PRLR: variants seen among roughly 807,000 people sequenced by gnomAD.
PRLR encodes the protein hPRL receptor.
A neutral mutation model predicts 40.2 loss-of-function variants in PRLR; 13 were observed. That is an observed-to-expected ratio of 0.32 (90% CI 0.21 to 0.51). PRLR has a LOEUF of 0.51. PRLR is among the 20% of genes least tolerant of loss of function. The probability of loss-of-function intolerance (pLI) is 0.97; values close to 1 mark genes in which losing one functional copy is unlikely to be tolerated. For synonymous variants in PRLR, 269 were observed against 278.7 expected (o/e 0.97, Z 0.35); for missense variants, 656 against 747.3 (o/e 0.88, Z 1.42).
chr5:35,205,027 CA>C (rs1019218149), intron 1 of PRLR, among the ~76,000 whole-genome samples: 172 of 152,158 alleles, frequency 1.1e-3, no homozygotes, highest in African/African-American at 3.7e-3. Flanking sequence ...TAAAGGCTGC[CA>C]GAGAGTTCAT....
intron 1 of PRLR, among the ~76,000 whole-genome samples, chr5:35,128,662 C>T (rs1299580791): frequency 6.6e-6 from 1 of 151,918 alleles, no homozygotes; most frequent in Non-Finnish European, 1.5e-5. Context: ...AAAATACAAG[C>T]CTATTATTTC....
At chr5:35,223,610 C>T (rs1353706765) in intron 1 of PRLR, among the ~76,000 whole-genome samples, 1 of 152,218 alleles carries the variant, frequency 6.6e-6, no homozygotes, top group Non-Finnish European at 1.5e-5. Flanking sequence ...GGCTTCCAGC[C>T]CTCAATGCCC....
At chr5:35,103,430 C>A (rs143833555) in intron 2 of PRLR, among the ~76,000 whole-genome samples, 1 of 152,196 alleles carries the variant, frequency 6.6e-6, no homozygotes, top group Non-Finnish European at 1.5e-5. Flanking sequence ...AATGTCTGCA[C>A]ATTTGGCCAC....
At chr5:35,222,455 G>A (rs1203898052) in intron 1 of PRLR, among the ~76,000 whole-genome samples, 1 of 152,182 alleles carries the variant, frequency 6.6e-6, no homozygotes, top group African/African-American at 2.4e-5. Flanking sequence ...CAGTGGAATA[G>A]CAACCAGAGT....
At chr5:35,175,116 G>T (rs891363263) in intron 1 of PRLR, among the ~76,000 whole-genome samples, 2 of 152,148 alleles carry the variant, frequency 1.3e-5, no homozygotes, top group African/African-American at 4.8e-5. Context: ...TAGTTGATAT[G>T]GTTTGGCTCT....
At chr5:35,167,138 C>CATCTATCTATCTATCT (rs10524859) in intron 1 of PRLR, among the ~76,000 whole-genome samples, 35 of 147,384 alleles carry the variant, frequency 2.4e-4, no homozygotes, top group East Asian at 4.0e-4. Flanking sequence ...GTTTGTCTAT[C>CATCTATCTATCTATCT]ATCTATCTAT....
Position 35,057,975 on chromosome 5 carries a change from G to GA in PRLR, c.*7113dup, listed in dbSNP as rs1768813257. 6.6e-6 allele frequency: 1 copy of GA among 151,976 alleles called. No homozygotes were observed. Among genetic ancestry groups the GA allele is most frequent in the African/African-American group, 2.4e-5 (1 of 41,406 alleles). The allele number at this position is 151,976 out of a possible 1,614,324, so 9.4% of individuals were successfully genotyped here. A position where few individuals can be genotyped will look rare whatever the true frequency, so the allele number is the denominator to read the frequency against. On this transcript the variant is annotated 3_prime_UTR_variant, in exon 10 of 10. Transcript: ENST00000618457. ...CAACTATGAGGTGACTTATAGTTAGGAAAAAATCTGCACTCTATGGTTTTG... is the reference window on the plus strand; with the variant it reads ...CAACTATGAGGTGACTTATAGTTAGGAAAAAAATCTGCACTCTATGGTTTTG...
In PRLR at chr5:35,059,014, T is replaced by A. The variant is rs1037054647; in HGVS notation, c.*6075A>T. ...TAAAACAAATTATTTTTCAGCGGTA[T>A]CTTCGCCATATAGTTTTTCAGATAA... is the stretch of plus-strand genomic sequence containing the variant. On this transcript the variant is annotated 3_prime_UTR_variant, in exon 10 of 10. Transcript: ENST00000618457. 2.0e-5 allele frequency: 3 copies of A among 152,190 alleles called. No individual in the cohort carries two copies. Among genetic ancestry groups the A allele is most frequent in the African/African-American group, 7.2e-5 (3 of 41,450 alleles). 9.4% of individuals were successfully genotyped at this position (152,190 alleles called of 1,614,324 possible).
At position 35,061,596 on chromosome 5, in the gene PRLR, A is replaced by C. The variant is rs1018366550; in HGVS notation, c.*3493T>G. The C allele has an allele frequency of 1.3e-5, 2 of 152,316 alleles. No individual in the cohort carries two copies. The highest frequency in any genetic ancestry group is 4.8e-5 in the African/African-American group (2 of 41,566). 9.4% of individuals were successfully genotyped at this position (152,316 alleles called of 1,614,324 possible). On this transcript the variant is annotated 3_prime_UTR_variant, in exon 10 of 10. Transcript: ENST00000618457. ...GTAGAGTCTGTTATATAGCTAATAAATGTAGGATCTGTTAAATATCTGACA... is the reference window on the plus strand; with the variant it reads ...GTAGAGTCTGTTATATAGCTAATAACTGTAGGATCTGTTAAATATCTGACA...
At chr5:35,213,726 G>C (rs1251961165) in intron 1 of PRLR, among the ~76,000 whole-genome samples, 2 of 152,192 alleles carry the variant, frequency 1.3e-5, no homozygotes, top group African/African-American at 4.8e-5. Context: ...TCAAGTCTGA[G>C]GGCCCCTCCA....
At chr5:35,094,137 C>G (rs759120658) in intron 2 of PRLR, among the ~76,000 whole-genome samples, 2 of 152,208 alleles carry the variant, frequency 1.3e-5, no homozygotes, top group African/African-American at 2.4e-5. Flanking sequence ...GATTAACCAC[C>G]AGTAGCACCC....
chr5:35,089,789 A>G, intron 2 of PRLR, 126 bp from the exon 3 acceptor site: 1 of 620,442 alleles, frequency 1.6e-6, no homozygotes, highest in Non-Finnish European at 2.9e-6. Flanking sequence ...AAATAGGAGG[A>G]AAGGAATGTA....
Position 35,197,742 on chromosome 5 carries a change from G to T in PRLR, c.-106+32526C>A, listed in dbSNP as rs1360365652. On this transcript the variant is annotated intron_variant, in intron 1 of 9. Coordinates refer to ENST00000618457, the MANE Select transcript of PRLR (RefSeq NM_000949.7). ...CTCCACAAAGAAGCCTCCCCAACCA[G>T]CGACTGCTGCTCAGATCATGCACCT... Among the ~76,000 whole-genome samples, 3 of 152,252 alleles carry T rather than the reference G, an allele frequency of 2.0e-5. No homozygotes were observed. In the East Asian group the frequency reaches 5.8e-4, roughly 29 times the overall value.
intron 2 of PRLR, among the ~76,000 whole-genome samples, chr5:35,109,411 A>C (rs1772495939): frequency 1.3e-5 from 2 of 152,322 alleles, no homozygotes; most frequent in Non-Finnish European, 2.9e-5. Context: ...AAAAGAAATC[A>C]CCATCAGAGC....
intron 1 of PRLR, among the ~76,000 whole-genome samples, chr5:35,120,299 A>T (rs1453756310): frequency 6.6e-6 from 1 of 152,084 alleles, no homozygotes; most frequent in Non-Finnish European, 1.5e-5. Flanking sequence ...TTCTTTATGC[A>T]GATAGGGGGG....
At chr5:35,180,019 C>A (rs1016503610) in intron 1 of PRLR, among the ~76,000 whole-genome samples, 8 of 152,134 alleles carry the variant, frequency 5.3e-5, no homozygotes, top group African/African-American at 1.9e-4. Flanking sequence ...TTTCCTGCAA[C>A]TAGGCGGTCC....
At chr5:35,218,678 G>A (rs952964522) in intron 1 of PRLR, among the ~76,000 whole-genome samples, 1 of 152,158 alleles carries the variant, frequency 6.6e-6, no homozygotes. Flanking sequence ...GAAATATTGT[G>A]TTTCCTAGGC....
intron 2 of PRLR, among the ~76,000 whole-genome samples, chr5:35,114,669 G>A (rs1772900682): frequency 6.6e-6 from 1 of 152,140 alleles, no homozygotes; most frequent in Admixed American, 6.5e-5. Context: ...TTGTGTGGGA[G>A]CCCAGTGGCT....
intron 1 of PRLR, among the ~76,000 whole-genome samples, chr5:35,221,808 T>C (rs1328039451): frequency 6.6e-6 from 1 of 152,186 alleles, no homozygotes; most frequent in African/African-American, 2.4e-5. Context: ...TTTAAATCAG[T>C]AATGGATTTT....
Sources: allele counts gnomAD v4.1 joint callset (sites outside exome capture counted in the v4.1 genomes callset), GRCh38; gene constraint gnomAD v4.1.1; transcripts MANE v1.5; gene names NCBI Gene and HGNC (gene_info 2026-07-23, HGNC 2026-07-21).